Variants in CSMD1 observed in about 807,000 individuals in gnomAD.
CSMD1 encodes CUB and sushi domain-containing protein 1.
CSMD1 carries 213 observed loss-of-function variants against 417.5 expected under a neutral mutation model. The ratio of observed to expected loss-of-function variants is 0.51; its 90% CI spans 0.46 to 0.57. The LOEUF (loss-of-function observed/expected upper bound fraction) is 0.57. Among genes scored for constraint, CSMD1 ranks in the 20% least tolerant of loss-of-function variants. The probability of loss-of-function intolerance (pLI) is 0.00; values close to 1 mark genes in which losing one functional copy is unlikely to be tolerated. For missense variants in CSMD1, 6,923 were observed against 4,529.7 expected (o/e 1.53, Z -15.17); for synonymous variants, 2,862 against 1,736.8 (o/e 1.65, Z -16.11).
At chr8:4,378,452 C>A (rs969663276) in intron 3 of CSMD1, among the ~76,000 whole-genome samples, 10 of 152,198 alleles carry the variant, frequency 6.6e-5, no homozygotes, top group African/African-American at 2.4e-4. Flanking sequence ...AAATTATTCT[C>A]TGTCTAGCAC....
intron 31 of CSMD1, among the ~76,000 whole-genome samples, chr8:3,204,889 G>T (rs1405868995): frequency 6.6e-6 from 1 of 152,220 alleles, no homozygotes; most frequent in Non-Finnish European, 1.5e-5. Context: ...GGTCAAGAGT[G>T]AGAGTGAGCA....
At chr8:3,158,096 G>A in intron 38 of CSMD1, 130 bp from the exon 39 acceptor site, 1 of 754,866 alleles carries the variant, frequency 1.3e-6, no homozygotes, top group East Asian at 2.9e-5. Context: ...CAAAAATTGT[G>A]AAATCTGTTT....
intron 3 of CSMD1, among the ~76,000 whole-genome samples, chr8:4,243,448 T>A (rs140231671): frequency 7.2e-4 from 110 of 152,278 alleles, no homozygotes; most frequent in Middle Eastern, 3.4e-3. Flanking sequence ...ACTGACACTC[T>A]TCCCAGATTC....
chr8:4,777,286 T>C (rs1168644244), intron 1 of CSMD1, among the ~76,000 whole-genome samples: 1 of 152,208 alleles, frequency 6.6e-6, no homozygotes, highest in Non-Finnish European at 1.5e-5. Context: ...TTAAGTCTAA[T>C]TGACTCAGTA....
intron 5 of CSMD1, among the ~76,000 whole-genome samples, chr8:3,839,054 T>C (rs1416895069): frequency 7.8e-6 from 1 of 127,840 alleles, no homozygotes; most frequent in Non-Finnish European, 1.6e-5. Context: ...ATATAAAATA[T>C]ATAGCCTATA....
At chr8:3,091,470 C>G (rs748851661) in intron 48 of CSMD1, 46 bp downstream of exon 48, 3 of 1,414,558 alleles carry the variant, frequency 2.1e-6, no homozygotes, top group African/African-American at 1.5e-5. Context: ...TGAAAATCAC[C>G]TGTTTTAAAA....
intron 3 of CSMD1, among the ~76,000 whole-genome samples, chr8:4,113,778 G>A (rs368108993): frequency 1.3e-5 from 2 of 152,286 alleles, no homozygotes; most frequent in East Asian, 3.9e-4. Context: ...AAGTTTTCAA[G>A]TTATCTGCAT....
chr8:4,775,343 A>T (rs58699153), intron 1 of CSMD1, among the ~76,000 whole-genome samples: 26,784 of 152,036 alleles, frequency 0.18, 2,412 homozygotes, highest in East Asian at 0.31. Context: ...GATGGAAGGA[A>T]CACTACGAAT....
chr8:4,846,837 T>C (rs1801176049), intron 1 of CSMD1, among the ~76,000 whole-genome samples: 1 of 152,234 alleles, frequency 6.6e-6, no homozygotes. Flanking sequence ...TATATATGCG[T>C]ATATTTATAT....
chr8:4,902,435 A>G (rs903302990), intron 1 of CSMD1, among the ~76,000 whole-genome samples: 9 of 48,978 alleles, frequency 1.8e-4, no homozygotes, highest in Admixed American at 3.9e-4. Context: ...TAAAGAGGAG[A>G]AAAAAAAAAA....
At chr8:3,925,516 C>G (rs758437084) in intron 5 of CSMD1, among the ~76,000 whole-genome samples, 2 of 152,116 alleles carry the variant, frequency 1.3e-5, no homozygotes, top group African/African-American at 2.4e-5. Flanking sequence ...GGCTGGGTCC[C>G]CACTCAAAAC....
At chr8:3,905,831 G>A (rs1271449433) in intron 5 of CSMD1, among the ~76,000 whole-genome samples, 2 of 152,146 alleles carry the variant, frequency 1.3e-5, no homozygotes, top group Non-Finnish European at 2.9e-5. Flanking sequence ...ATCTGGGCCT[G>A]GCATTCTAGT....
rs151076877 is a variant in CSMD1, at chr8:4,199,411, C to T, written c.416-167312G>A. Among the ~76,000 whole-genome samples the T allele has an allele frequency of 4.5e-3, 690 of 152,200 alleles. 4 individuals carry two copies. Among genetic ancestry groups the T allele is most frequent in the African/African-American group, 0.015 (636 of 41,538 alleles). On this transcript the variant is annotated intron_variant, in intron 3 of 69. Coordinates refer to ENST00000635120, the MANE Select transcript of CSMD1 (RefSeq NM_033225.6). ...TGGAGTGAAAAGAATGGATTTGGTG[C>T]TGGCATTAGCTGTCAAGTCATGTAA...
At chr8:4,602,248 T>G (rs1227201399) in intron 2 of CSMD1, among the ~76,000 whole-genome samples, 2 of 152,080 alleles carry the variant, frequency 1.3e-5, no homozygotes, top group East Asian at 3.9e-4. Flanking sequence ...GGGAGTTATT[T>G]TAGAAGAGAA....
intron 24 of CSMD1, 60 bp from the exon 25 acceptor site, chr8:3,307,881 G>T: frequency 6.4e-7 from 1 of 1,568,526 alleles, no homozygotes; most frequent in Non-Finnish European, 8.6e-7. Context: ...TTTCTATTTA[G>T]CTACTTTTCA....
intron 3 of CSMD1, among the ~76,000 whole-genome samples, chr8:4,134,404 G>A (rs1428437963): frequency 6.6e-6 from 1 of 152,172 alleles, no homozygotes; most frequent in Non-Finnish European, 1.5e-5. Flanking sequence ...ACAAAGGGAT[G>A]ACCTTTGAAG....
In CSMD1 at chr8:3,719,338, T is replaced by C. The variant is rs114343261; in HGVS notation, c.932-10847A>G. Among the ~76,000 whole-genome samples, 642 of 152,222 alleles carry C rather than the reference T, an allele frequency of 4.2e-3. 3 individuals are homozygous for C. Among genetic ancestry groups the C allele is most frequent in the African/African-American group, 0.014 (570 of 41,548 alleles). Reference sequence around the variant, plus strand: ...AGCTCCAATCTCACCCCTGAAATGTTCTGAAATCCTGAGCCACAGCCTCGG... The same window carrying C: ...AGCTCCAATCTCACCCCTGAAATGTCCTGAAATCCTGAGCCACAGCCTCGG... On this transcript the variant is annotated intron_variant, in intron 6 of 69. Transcript: ENST00000635120.
intron 5 of CSMD1, among the ~76,000 whole-genome samples, chr8:3,885,889 A>G (rs1806530750): frequency 6.6e-6 from 1 of 152,172 alleles, no homozygotes; most frequent in African/African-American, 2.4e-5. Context: ...TTTTCTAAAT[A>G]GGAGTAAAGT....
chr8:4,454,254 G>A (rs187871512), intron 2 of CSMD1, among the ~76,000 whole-genome samples: 20 of 152,130 alleles, frequency 1.3e-4, no homozygotes, highest in African/African-American at 4.6e-4. Flanking sequence ...AGTGCTTACC[G>A]CCTCTCACTG....
Sources: gnomAD v4.1 joint callset for allele counts (sites outside exome capture counted in the v4.1 genomes callset) on GRCh38, gnomAD v4.1.1 for gene constraint, MANE v1.5 for transcripts, NCBI Gene and HGNC (gene_info 2026-07-23, HGNC 2026-07-21) for gene names.